Variants in EYA1 observed in about 807,000 individuals in gnomAD.
EYA1 encodes the protein EYA transcriptional coactivator and phosphatase 1, also known as protein phosphatase EYA1.
Under a neutral mutation model 82.0 loss-of-function variants are expected in EYA1, and 16 were observed. The ratio of observed to expected loss-of-function variants is 0.20; its 90% confidence interval spans 0.13 to 0.30. The LOEUF is 0.30. Ranked by LOEUF, EYA1 falls within the 10% of genes least tolerant of loss-of-function variation. The pLI, the probability that EYA1 is intolerant of heterozygous loss-of-function variation, is 1.00. For missense variants in EYA1, 633 were observed against 730.7 expected (o/e 0.87, Z 1.54); for synonymous variants, 261 against 264.4 (o/e 0.99, Z 0.12).
At chr8:71,496,901 T>A in intron 2 of EYA1, among the ~76,000 whole-genome samples, 3 of 112,152 alleles carry the variant, frequency 2.7e-5, no homozygotes, top group African/African-American at 4.4e-5. Context: ...TCTAGCATGG[T>A]AAACTGTCTA....
intron 2 of EYA1, among the ~76,000 whole-genome samples, chr8:71,475,761 G>C (rs13253733): frequency 0.64 from 97,009 of 151,996 alleles, 33,059 homozygotes; most frequent in African/African-American, 0.87. Context: ...TTTGTATAAA[G>C]AAAAATCCTT....
intron 2 of EYA1, among the ~76,000 whole-genome samples, chr8:71,406,504 C>T (rs532024850): frequency 4.6e-5 from 7 of 152,270 alleles, no homozygotes; most frequent in African/African-American, 7.2e-5. Context: ...TGGGCGCAGG[C>T]CAGTGGGTGT....
At chr8:71,499,136 T>A (rs1440391451) in intron 2 of EYA1, among the ~76,000 whole-genome samples, 1 of 152,060 alleles carries the variant, frequency 6.6e-6, no homozygotes, top group African/African-American at 2.4e-5. Context: ...CCTCACATTC[T>A]AAATAACATC....
intron 2 of EYA1, among the ~76,000 whole-genome samples, chr8:71,415,728 CA>C (rs1473474569): frequency 6.6e-6 from 1 of 152,094 alleles, no homozygotes; most frequent in Non-Finnish European, 1.5e-5. Flanking sequence ...GACTTGGCCC[CA>C]AAGAGGCATC....
intron 2 of EYA1, among the ~76,000 whole-genome samples, chr8:71,409,592 A>G (rs1830467822): frequency 4.3e-5 from 1 of 23,056 alleles, no homozygotes; most frequent in Admixed American, 4.6e-4. Flanking sequence ...AATACTACAA[A>G]CACCTCTACG....
rs115843577 is a variant in EYA1 at position 71,340,289 on chromosome 8, C to T, written c.125-6115G>A. The stretch of plus-strand genomic sequence containing the variant: ...TACTTTTCATTTCATTTCTTTCATA[C>T]ACTTTTTATTTGCATGACAAATAGT... On this transcript the variant is annotated intron_variant, in intron 3 of 17. Coordinates refer to ENST00000340726, the MANE Select transcript of EYA1 (RefSeq NM_000503.6). 8.7e-3 allele frequency among the ~76,000 whole-genome samples: 1,320 copies of T among 152,226 alleles called. 19 individuals are homozygous for T. The highest frequency in any genetic ancestry group is 0.031 in the African/African-American group (1,271 of 41,536).
At chr8:71,540,050 GC>G (rs1280340596) in intron 1 of EYA1, among the ~76,000 whole-genome samples, 1 of 152,030 alleles carries the variant, frequency 6.6e-6, no homozygotes, top group African/African-American at 2.4e-5. Flanking sequence ...GATATTTTAT[GC>G]CCTATTGCAA....
intron 2 of EYA1, among the ~76,000 whole-genome samples, chr8:71,466,657 C>T (rs903462502): frequency 2.2e-4 from 33 of 152,086 alleles, no homozygotes; most frequent in African/African-American, 8.0e-4. Context: ...TTATACCTCT[C>T]GACAAAATGT....
chr8:71,469,412 T>C (rs1439863062), intron 2 of EYA1, among the ~76,000 whole-genome samples: 1 of 152,000 alleles, frequency 6.6e-6, no homozygotes, highest in Non-Finnish European at 1.5e-5. Context: ...GTAAAATGGG[T>C]GTGAAAATAG....
chr8:71,368,944 T>C (rs1827919861), intron 2 of EYA1, among the ~76,000 whole-genome samples: 2 of 151,240 alleles, frequency 1.3e-5, no homozygotes, highest in Non-Finnish European at 2.9e-5. Flanking sequence ...ATCCCAGCAC[T>C]TTGGGAGGTC....
At chr8:71,269,884 TA>T (rs1816306208) in intron 10 of EYA1, 61 bp from the exon 11 acceptor site, 1 of 1,283,912 alleles carries the variant, frequency 7.8e-7, no homozygotes, top group African/African-American at 1.5e-5. Flanking sequence ...GTTATTCAGT[TA>T]ACTTCAACAC....
chr8:71,431,440 A>T (rs983593521), intron 2 of EYA1, among the ~76,000 whole-genome samples: 1 of 152,148 alleles, frequency 6.6e-6, no homozygotes, highest in African/African-American at 2.4e-5. Context: ...TCTTCTGTGG[A>T]TGACTAACTC....
At chr8:71,265,855 C>T (rs1444547571) in intron 11 of EYA1, among the ~76,000 whole-genome samples, 1 of 152,212 alleles carries the variant, frequency 6.6e-6, no homozygotes, top group African/African-American at 2.4e-5. Context: ...TCTTCAATTT[C>T]CTAACATCTT....
At position 71,321,880 on chromosome 8, in the gene EYA1, C is replaced by T. The variant is rs1822598787; in HGVS notation, c.273-1G>A. On this transcript the variant is annotated splice_acceptor_variant, in intron 5 of 17. Transcript: ENST00000340726. LOFTEE classifies it high-confidence loss of function. ...AGGGAGAATATGTGGGTATGGTCTG[C>T]TATTTGTCAGAAATGACAGAAAATA... The T allele has an allele frequency of 1.2e-6, 2 of 1,614,074 alleles. No homozygotes were observed.
chr8:71,368,985 G>A (rs1827923069), intron 2 of EYA1, among the ~76,000 whole-genome samples: 1 of 144,524 alleles, frequency 6.9e-6, no homozygotes. Flanking sequence ...TCAGGAGTTC[G>A]AGACCAGCCT....
At chr8:71,228,605 G>A (rs1810836469) in intron 12 of EYA1, among the ~76,000 whole-genome samples, 1 of 152,188 alleles carries the variant, frequency 6.6e-6, no homozygotes, top group Non-Finnish European at 1.5e-5. Context: ...AGAATAGCAT[G>A]AGTATTATGT....
At chr8:71,535,278 T>G (rs1019671369) in intron 2 of EYA1, among the ~76,000 whole-genome samples, 1 of 152,198 alleles carries the variant, frequency 6.6e-6, no homozygotes, top group African/African-American at 2.4e-5. Flanking sequence ...CTCTCTTATT[T>G]TAAAGCCCAT....
intron 9 of EYA1, among the ~76,000 whole-genome samples, chr8:71,289,951 G>A (rs749353583): frequency 4.6e-5 from 7 of 152,140 alleles, no homozygotes; most frequent in Non-Finnish European, 1.0e-4. Flanking sequence ...GAAAAAAAGA[G>A]AGGCGGGGGA....
At chr8:71,209,491 G>A (rs1007754418) in intron 17 of EYA1, among the ~76,000 whole-genome samples, 1 of 152,148 alleles carries the variant, frequency 6.6e-6, no homozygotes, top group Non-Finnish European at 1.5e-5. Flanking sequence ...GATACATTCT[G>A]TATTTATGGG....
Sources: allele counts gnomAD v4.1 joint callset (sites outside exome capture counted in the v4.1 genomes callset), GRCh38; gene constraint gnomAD v4.1.1; transcripts MANE v1.5; gene names NCBI Gene and HGNC (gene_info 2026-07-23, HGNC 2026-07-21).